The following RABEP1 variants were observed in gnomAD, a reference collection of about 807,000 sequenced individuals.
RABEP1 encodes rab GTPase-binding effector protein 1.
RABEP1 carries 51 observed loss-of-function variants against 123.4 expected under a neutral mutation model. The observed-to-expected ratio is 0.41, with a 90% CI of 0.33 to 0.52. The LOEUF is 0.52. Among genes scored for constraint, RABEP1 ranks in the 20% least tolerant of loss-of-function variants. RABEP1 has a pLI of 0.16. For synonymous variants in RABEP1, 347 were observed against 355.2 expected (o/e 0.98, Z 0.26); for missense variants, 888 against 996.3 (o/e 0.89, Z 1.46).
intron 7 of RABEP1, among the ~76,000 whole-genome samples, chr17:5,351,984 C>T (rs772784486): frequency 2.6e-5 from 4 of 151,688 alleles, no homozygotes; most frequent in Non-Finnish European, 4.4e-5. Flanking sequence ...AATCCTTGAC[C>T]GTATTGTGTA....
chr17:5,330,085 G>A (rs1235368943), intron 2 of RABEP1, among the ~76,000 whole-genome samples: 1 of 151,998 alleles, frequency 6.6e-6, no homozygotes, highest in Non-Finnish European at 1.5e-5. Context: ...AATGAATAAA[G>A]TATCCCAGAA....
intron 2 of RABEP1, among the ~76,000 whole-genome samples, chr17:5,321,387 G>A (rs1433033364): frequency 1.3e-5 from 2 of 152,180 alleles, no homozygotes; most frequent in African/African-American, 4.8e-5. Context: ...AGGCTGCAGC[G>A]AGCTGTGATT....
intron 3 of RABEP1, among the ~76,000 whole-genome samples, chr17:5,334,656 C>T (rs1459249724): frequency 6.6e-6 from 1 of 152,190 alleles, no homozygotes; most frequent in African/African-American, 2.4e-5. Flanking sequence ...GTGTGAGCCA[C>T]TATGCCCGGC....
chr17:5,383,502 C>T lies in RABEP1; in HGVS notation c.*279C>T. 1 of 390,812 alleles carries T rather than the reference C, an allele frequency of 2.6e-6. No homozygotes were observed. Among genetic ancestry groups the T allele is most frequent in the African/African-American group, 2.0e-5 (1 of 50,216 alleles). 24.2% of individuals were successfully genotyped at this position (390,812 alleles called of 1,614,324 possible). On this transcript the variant is annotated 3_prime_UTR_variant, in exon 18 of 18. Transcript: ENST00000537505. ...TTTGGTGATGGAAAAAGCGCTGTTT[C>T]CTTGCCTGCTTTCTCCAAGACAGAT...
At chr17:5,380,307 A>G (rs1911343902) in intron 15 of RABEP1, 57 bp from the exon 16 acceptor site, 2 of 1,104,514 alleles carry the variant, frequency 1.8e-6, no homozygotes, top group African/African-American at 1.6e-5. Context: ...TCTTTTAGGT[A>G]GTGCACTGGG....
chr17:5,322,630 C>T (rs531499855), intron 2 of RABEP1, among the ~76,000 whole-genome samples: 3 of 151,904 alleles, frequency 2.0e-5, no homozygotes, highest in African/African-American at 7.3e-5. Flanking sequence ...ATACGGAAAT[C>T]CTTGAAAAAA....
chr17:5,294,599 A>G (rs1258044048), intron 1 of RABEP1, among the ~76,000 whole-genome samples: 1 of 141,104 alleles, frequency 7.1e-6, no homozygotes, highest in East Asian at 2.0e-4. Context: ...CCTGGAACCA[A>G]TTTCCCTCAG....
chr17:5,299,719 C>CTTTTTTTTTTTTT lies in RABEP1; in HGVS notation c.35-8970_35-8969insTTTTTTTTTTTTT, dbSNP rs146585957. ...TCATTTCTTTTTCTTTTTTTCTTTT[C>CTTTTTTTTTTTTT]TTTTTCTTTTTCTTTTTTTTTTTTT... On this transcript the variant is annotated intron_variant, in intron 1 of 17. Transcript: ENST00000537505. Among the ~76,000 whole-genome samples the CTTTTTTTTTTTTT allele has an allele frequency of 4.0e-3, 392 of 98,760 alleles. 35 individuals are homozygous for CTTTTTTTTTTTTT. The highest frequency in any genetic ancestry group is 7.2e-3 in the African/African-American group (190 of 26,510). The allele number at this position is 98,760 out of a possible 152,430, so 64.8% of individuals were successfully genotyped here.
chr17:5,354,241 T>C (rs969228986), intron 7 of RABEP1, 118 bp from the exon 8 acceptor site: 1 of 872,538 alleles, frequency 1.1e-6, no homozygotes, highest in African/African-American at 1.7e-5. Flanking sequence ...GAAGCGTAAG[T>C]ATCCAGTTTT....
In RABEP1 at chr17:5,385,373, T is replaced by C. The variant is rs1243540244; in HGVS notation, c.*2150T>C. The stretch of plus-strand genomic sequence containing the variant: ...CTTATATTCAGTCTGTGCCTACATG[T>C]TCTCATGCATGTCTAACCTGATTTA... On this transcript the variant is annotated 3_prime_UTR_variant, in exon 18 of 18. Coordinates refer to ENST00000537505, the MANE Select transcript of RABEP1 (RefSeq NM_004703.6). The C allele has an allele frequency of 4.3e-6, 1 of 230,542 alleles. No homozygotes were observed. Among genetic ancestry groups the C allele is most frequent in the Non-Finnish European group, 8.6e-6 (1 of 116,422 alleles). 14.3% of individuals were successfully genotyped at this position (230,542 alleles called of 1,614,324 possible).
In RABEP1 at chr17:5,335,208, A is replaced by C; in HGVS notation, c.392A>C (p.Gln131Pro). The change falls in exon 4 of 18, where the codon CAG becomes CCG. Residue 131 changes from glutamine to proline, a missense_variant. Gln to Pro is a moderately conservative substitution (Grantham distance 76). Transcript: ENST00000537505. The part of the protein sequence containing the change: ...MKETVRDYEH[Q>P]FHLRLEQERT... ...GAAACAGTTCGTGACTATGAGCACC[A>C]GTTCCACCTTAGGCTGGAGCAGGAG... 1 of 1,613,202 alleles carries C rather than the reference A, an allele frequency of 6.2e-7. No homozygotes were observed.
intron 1 of RABEP1, among the ~76,000 whole-genome samples, chr17:5,300,565 G>A (rs930459960): frequency 3.9e-5 from 6 of 152,154 alleles, no homozygotes; most frequent in Non-Finnish European, 7.4e-5. Context: ...AAGGAAGTCA[G>A]TATGTGCTCC....
At chr17:5,327,919 TG>T (rs1322118509) in intron 2 of RABEP1, among the ~76,000 whole-genome samples, 2 of 152,160 alleles carry the variant, frequency 1.3e-5, no homozygotes, top group Non-Finnish European at 2.9e-5. Flanking sequence ...GGGAAAAGAC[TG>T]GGACAATGGG....
intron 1 of RABEP1, among the ~76,000 whole-genome samples, chr17:5,307,990 T>G (rs1343714323): frequency 6.6e-6 from 1 of 152,220 alleles, no homozygotes; most frequent in Non-Finnish European, 1.5e-5. Context: ...AGATTTTGCT[T>G]GTGACACTTG....
intron 10 of RABEP1, among the ~76,000 whole-genome samples, chr17:5,364,036 A>G (rs1306929391): frequency 6.6e-6 from 1 of 152,234 alleles, no homozygotes; most frequent in East Asian, 1.9e-4. Context: ...GCCAATTAGA[A>G]TGATGGTTTA....
At chr17:5,370,903 G>A (rs1910471825) in intron 12 of RABEP1, among the ~76,000 whole-genome samples, 2 of 151,240 alleles carry the variant, frequency 1.3e-5, no homozygotes, top group Admixed American at 1.3e-4. Flanking sequence ...GTGTTCAAAT[G>A]TTAGTTTTTC....
chr17:5,329,761 TTC>T (rs1210553607), intron 2 of RABEP1, among the ~76,000 whole-genome samples: 10 of 150,990 alleles, frequency 6.6e-5, no homozygotes, highest in African/African-American at 1.9e-4. Context: ...TATTTTAAAT[TTC>T]TGTCTCCTGT....
At chr17:5,381,531 A>C in intron 17 of RABEP1, 26 bp downstream of exon 17, 1 of 1,603,652 alleles carries the variant, frequency 6.2e-7, no homozygotes, top group Non-Finnish European at 8.5e-7. Context: ...AACCACATAC[A>C]GAGCACGAAG....
At chr17:5,341,130 G>A (rs1907569374) in intron 5 of RABEP1, among the ~76,000 whole-genome samples, 1 of 151,680 alleles carries the variant, frequency 6.6e-6, no homozygotes, top group African/African-American at 2.4e-5. Flanking sequence ...GAAATCAGAA[G>A]TGAGTCCGAG....
Sources: gnomAD v4.1 joint callset for allele counts (sites outside exome capture counted in the v4.1 genomes callset) on GRCh38, gnomAD v4.1.1 for gene constraint, MANE v1.5 for transcripts, NCBI Gene and HGNC (gene_info 2026-07-23, HGNC 2026-07-21) for gene names.